The following ADAM22 variants were observed in gnomAD, a reference collection of about 807,000 sequenced individuals.
ADAM22 encodes ADAM metallopeptidase domain 22, also known as disintegrin and metalloproteinase domain-containing protein 22.
ADAM22 carries 65 observed loss-of-function variants against 144.6 expected under a neutral mutation model. The observed-to-expected ratio is 0.45, with a 90% CI of 0.37 to 0.55. The LOEUF is 0.55. ADAM22 is among the 20% of genes least tolerant of loss of function. The probability of loss-of-function intolerance (pLI) is 0.00; values close to 1 mark genes in which losing one functional copy is unlikely to be tolerated. For synonymous variants in ADAM22, 391 were observed against 412.6 expected (o/e 0.95, Z 0.63); for missense variants, 974 against 1,184.9 (o/e 0.82, Z 2.61).
chr7:88,118,041 A>G (rs1164808170), intron 7 of ADAM22, among the ~76,000 whole-genome samples: 3 of 152,214 alleles, frequency 2.0e-5, no homozygotes, highest in South Asian at 2.1e-4. Flanking sequence ...GCAGCCCTGT[A>G]AGATTAATGT....
At chr7:87,943,491 T>C (rs1024347025) in intron 2 of ADAM22, among the ~76,000 whole-genome samples, 1 of 152,186 alleles carries the variant, frequency 6.6e-6, no homozygotes, top group African/African-American at 2.4e-5. Context: ...TAACTTGCAG[T>C]TATTTTACAT....
chr7:88,071,850 A>T (rs1046571991), intron 3 of ADAM22, among the ~76,000 whole-genome samples: 1 of 152,120 alleles, frequency 6.6e-6, no homozygotes, highest in Non-Finnish European at 1.5e-5. Flanking sequence ...ATTCTACCTG[A>T]CCCATTTACA....
intron 31 of ADAM22, among the ~76,000 whole-genome samples, chr7:88,195,501 C>T (rs1194406568): frequency 2.6e-5 from 4 of 151,850 alleles, no homozygotes; most frequent in Admixed American, 6.6e-5. Context: ...GAGAGAGAAC[C>T]TTTTATTTAT....
In ADAM22 at chr7:88,141,228, G is replaced by A. The variant is rs915422181; in HGVS notation, c.1221-1798G>A. On this transcript the variant is annotated intron_variant, in intron 14 of 31. Coordinates refer to ENST00000413139, the MANE Select transcript of ADAM22 (RefSeq NM_001324418.2). Reference sequence around the variant, plus strand: ...GAAAGAGCAGGCTGCAAGGCAGGAGGCTGTAAAACAGGCTGATTGCTCAAG... The same window carrying A: ...GAAAGAGCAGGCTGCAAGGCAGGAGACTGTAAAACAGGCTGATTGCTCAAG... Among the ~76,000 whole-genome samples the A allele has an allele frequency of 2.7e-4, 41 of 152,236 alleles. 1 individual carries two copies. Among genetic ancestry groups the A allele is most frequent in the Middle Eastern group, 3.4e-3 (1 of 294 alleles).
rs1213278666 is a variant in ADAM22, at chr7:88,141,441, A to G, written c.1221-1585A>G. Among the ~76,000 whole-genome samples the G allele has an allele frequency of 2.0e-5, 3 of 152,220 alleles. No individual in the cohort carries two copies. The East Asian group carries it at 5.8e-4, about 29-fold the overall frequency. ...AAATTCCATTAATTAATAACAAAGT[A>G]TTAACTACTGTGTTTAGAAGAAGTA... is the stretch of plus-strand genomic sequence containing the variant. On this transcript the variant is annotated intron_variant, in intron 14 of 31. Transcript: ENST00000413139.
At chr7:88,093,943 G>A (rs1820595707) in intron 4 of ADAM22, among the ~76,000 whole-genome samples, 2 of 152,172 alleles carry the variant, frequency 1.3e-5, no homozygotes, top group South Asian at 2.1e-4. Flanking sequence ...ACTCAGGCAT[G>A]TGGAGTTTAA....
At chr7:87,976,040 AGTT>A (rs1028503291) in intron 2 of ADAM22, among the ~76,000 whole-genome samples, 6 of 152,180 alleles carry the variant, frequency 3.9e-5, no homozygotes, top group Non-Finnish European at 7.3e-5. Flanking sequence ...ATAGCTGTTC[AGTT>A]GTTGTTCATT....
chr7:88,138,401 G>A (rs531287844), intron 14 of ADAM22, among the ~76,000 whole-genome samples: 1 of 152,296 alleles, frequency 6.6e-6, no homozygotes, highest in East Asian at 1.9e-4. Context: ...GATACGTACA[G>A]CTGTGTACAT....
intron 2 of ADAM22, among the ~76,000 whole-genome samples, chr7:87,948,795 T>A (rs969973053): frequency 1.3e-5 from 2 of 152,116 alleles, no homozygotes; most frequent in Admixed American, 1.3e-4. Flanking sequence ...ATAACTTGGG[T>A]GTTAGTAGAA....
At chr7:88,015,404 G>A (rs547885727) in intron 3 of ADAM22, among the ~76,000 whole-genome samples, 3 of 152,168 alleles carry the variant, frequency 2.0e-5, no homozygotes, top group African/African-American at 7.2e-5. Flanking sequence ...CTCTGCTCAT[G>A]TAACCAGGCT....
intron 3 of ADAM22, among the ~76,000 whole-genome samples, chr7:88,060,087 CT>C (rs1031930607): frequency 6.6e-6 from 1 of 152,064 alleles, no homozygotes; most frequent in Non-Finnish European, 1.5e-5. Context: ...AGTATATACT[CT>C]AATTAAAAAA....
intron 4 of ADAM22, among the ~76,000 whole-genome samples, chr7:88,106,445 A>G (rs1352021725): frequency 1.3e-5 from 2 of 152,202 alleles, no homozygotes; most frequent in Non-Finnish European, 2.9e-5. Flanking sequence ...AAATGTCTTC[A>G]GTCTGTTACA....
chr7:87,952,353 G>C (rs1367996783), intron 2 of ADAM22, among the ~76,000 whole-genome samples: 4 of 151,954 alleles, frequency 2.6e-5, no homozygotes, highest in South Asian at 2.1e-4. Flanking sequence ...TAGCATGAAG[G>C]GCTGTTGAAT....
chr7:88,101,397 G>A (rs1447989640), intron 4 of ADAM22, among the ~76,000 whole-genome samples: 1 of 152,142 alleles, frequency 6.6e-6, no homozygotes, highest in Non-Finnish European at 1.5e-5. Context: ...AGGGGCGGGT[G>A]TTTGGATCTG....
chr7:88,072,393 T>TATC, intron 3 of ADAM22, among the ~76,000 whole-genome samples: 1 of 152,284 alleles, frequency 6.6e-6, no homozygotes, highest in South Asian at 2.1e-4. Context: ...TAGATTTTAT[T>TATC]ATTATTATTA....
chr7:88,074,317 G>A (rs1813619626), intron 3 of ADAM22, among the ~76,000 whole-genome samples: 1 of 152,110 alleles, frequency 6.6e-6, no homozygotes, highest in South Asian at 2.1e-4. Flanking sequence ...AGCCCTTTCT[G>A]TCAGTGTGTA....
intron 4 of ADAM22, among the ~76,000 whole-genome samples, chr7:88,083,051 T>TGGC (rs1192937545): frequency 5.3e-5 from 8 of 152,122 alleles, no homozygotes; most frequent in African/African-American, 1.2e-4. Context: ...ATGTTTATTG[T>TGGC]GGCACTATTC....
chr7:88,029,373 A>C (rs1799725087), intron 3 of ADAM22, among the ~76,000 whole-genome samples: 1 of 152,062 alleles, frequency 6.6e-6, no homozygotes, highest in South Asian at 2.1e-4. Flanking sequence ...TCTGCACTTT[A>C]ATTTTGTCCA....
intron 3 of ADAM22, among the ~76,000 whole-genome samples, chr7:87,988,302 T>C (rs914459223): frequency 2.6e-5 from 4 of 152,178 alleles, no homozygotes; most frequent in African/African-American, 9.7e-5. Flanking sequence ...TTGGTCACTG[T>C]TATATGAATG....
Sources: gnomAD v4.1 joint callset for allele counts (sites outside exome capture counted in the v4.1 genomes callset) on GRCh38, gnomAD v4.1.1 for gene constraint, MANE v1.5 for transcripts, NCBI Gene and HGNC (gene_info 2026-07-23, HGNC 2026-07-21) for gene names.